Variants in GSE1 observed in about 807,000 individuals in gnomAD.
The protein encoded by GSE1 is Gse1 coiled-coil protein.
A neutral mutation model predicts 112.6 loss-of-function variants in GSE1; 32 were observed. That is an observed-to-expected ratio of 0.28 (90% confidence interval 0.21 to 0.38). GSE1 has a LOEUF of 0.38. Ranked by LOEUF, GSE1 falls within the 10% of genes least tolerant of loss-of-function variation. GSE1 has a pLI of 1.00. For synonymous variants in GSE1, 1,115 were observed against 735.6 expected, an observed-to-expected ratio of 1.52 and a Z score of -8.35; for missense variants, 2,348 against 1,699.2, an observed-to-expected ratio of 1.38 and a Z score of -6.71.
chr16:85,365,377 C>G (rs1042041720), intron 2 of GSE1, among the ~76,000 whole-genome samples: 4 of 152,248 alleles, frequency 2.6e-5, no homozygotes, highest in Admixed American at 2.6e-4. Flanking sequence ...TGCACTCCGC[C>G]TCCACCTTCA....
At chr16:85,584,379 C>T (rs945719176) in intron 1 of GSE1, among the ~76,000 whole-genome samples, 4 of 152,162 alleles carry the variant, frequency 2.6e-5, no homozygotes, top group Admixed American at 6.5e-5. Flanking sequence ...CACAGCCAAG[C>T]GGAGCACACC....
At chr16:85,201,238 A>G (rs1240078201) in intron 1 of GSE1, among the ~76,000 whole-genome samples, 3 of 151,314 alleles carry the variant, frequency 2.0e-5, no homozygotes, top group East Asian at 3.9e-4. Flanking sequence ...ACACCCAGCT[A>G]TTTTGTTTTT....
At chr16:85,642,400 A>G (rs2050516007) in intron 2 of GSE1, among the ~76,000 whole-genome samples, 1 of 152,198 alleles carries the variant, frequency 6.6e-6, no homozygotes. Flanking sequence ...TAGCAGACAC[A>G]CAGGGTCCCC....
intron 2 of GSE1, among the ~76,000 whole-genome samples, chr16:85,497,759 G>T (rs963250704): frequency 6.6e-6 from 1 of 152,152 alleles, no homozygotes; most frequent in African/African-American, 2.4e-5. Context: ...TTTCTTCAAG[G>T]TCTGGGACTG....
At chr16:85,315,529 G>C (rs1052331289) in intron 1 of GSE1, among the ~76,000 whole-genome samples, 1 of 152,110 alleles carries the variant, frequency 6.6e-6, no homozygotes, top group Non-Finnish European at 1.5e-5. Flanking sequence ...CCTACAGCAA[G>C]TGCTGGGCTC....
chr16:85,188,724 C>T (rs537747849), intron 1 of GSE1, among the ~76,000 whole-genome samples: 7 of 151,808 alleles, frequency 4.6e-5, no homozygotes, highest in Non-Finnish European at 7.4e-5. Context: ...TTACTTGAGC[C>T]GAGGAGTTCA....
chr16:85,611,320 C>A (rs1300020659), upstream of GSE1: 26 of 158,666 alleles, frequency 1.6e-4, no homozygotes, highest in Admixed American at 5.9e-4. Context: ...CTCCCCCTCC[C>A]CCTCCCCCTC....
intron 1 of GSE1, among the ~76,000 whole-genome samples, chr16:85,257,974 G>A (rs1212394455): frequency 6.6e-6 from 1 of 152,234 alleles, no homozygotes; most frequent in Non-Finnish European, 1.5e-5. Flanking sequence ...GTGATTGGGA[G>A]CTCAGGGCCT....
chr16:85,247,807 C>T (rs1038433493), intron 1 of GSE1, among the ~76,000 whole-genome samples: 1 of 152,198 alleles, frequency 6.6e-6, no homozygotes, highest in African/African-American at 2.4e-5. Context: ...TGCCAGGGGG[C>T]TGGTCTTTGA....
At chr16:85,343,933 C>T (rs918174373) in intron 1 of GSE1, among the ~76,000 whole-genome samples, 10 of 152,200 alleles carry the variant, frequency 6.6e-5, no homozygotes, top group African/African-American at 2.4e-4. Flanking sequence ...TGCTCTTCCT[C>T]AAATGCAACC....
At chr16:85,663,189 C>G (rs1466578222) in intron 10 of GSE1, 96 bp downstream of exon 10, 2 of 1,260,404 alleles carry the variant, frequency 1.6e-6, no homozygotes, top group East Asian at 2.3e-5. Flanking sequence ...TAGGTTCCTC[C>G]GAAGTCCTGG....
chr16:85,465,489 G>T (rs1241217808), intron 2 of GSE1, among the ~76,000 whole-genome samples: 1 of 152,258 alleles, frequency 6.6e-6, no homozygotes, highest in East Asian at 1.9e-4. Flanking sequence ...GGACTGCCCT[G>T]CTAGGGGTAA....
chr16:85,648,774 C>T, intron 3 of GSE1, 23 bp downstream of exon 3: 2 of 1,432,126 alleles, frequency 1.4e-6, no homozygotes, highest in Non-Finnish European at 1.9e-6. Flanking sequence ...GGGCAGGGAG[C>T]CTAGCGTCCT....
intron 2 of GSE1, among the ~76,000 whole-genome samples, chr16:85,521,864 A>G (rs1400368071): frequency 6.6e-6 from 1 of 151,882 alleles, no homozygotes; most frequent in Non-Finnish European, 1.5e-5. Flanking sequence ...TTCCCACACG[A>G]CTCTTGTAAG....
At chr16:85,269,644 C>T (rs1908627693) in intron 1 of GSE1, among the ~76,000 whole-genome samples, 1 of 149,286 alleles carries the variant, frequency 6.7e-6, no homozygotes, top group Admixed American at 6.7e-5. Context: ...CCCCTGGCCC[C>T]CGAAGCCCCT....
At chr16:85,646,201 C>T (rs1006883414) in intron 2 of GSE1, among the ~76,000 whole-genome samples, 1 of 150,686 alleles carries the variant, frequency 6.6e-6, no homozygotes, top group African/African-American at 2.4e-5. Context: ...ACCACGCTTC[C>T]TATGCATGCA....
chr16:85,331,387 ATATATGTG>A (rs1385811144), intron 1 of GSE1, among the ~76,000 whole-genome samples: 1 of 139,848 alleles, frequency 7.2e-6, no homozygotes, highest in East Asian at 2.1e-4. Context: ...ATATATGTAT[ATATATGTG>A]TATATATGTA....
chr16:85,426,480 GGGT>G (rs2048993316), intron 2 of GSE1, among the ~76,000 whole-genome samples: 1 of 141,642 alleles, frequency 7.1e-6, no homozygotes, highest in African/African-American at 2.7e-5. Context: ...GAGGGAGGGA[GGGT>G]AGATGTGTAT....
intron 2 of GSE1, among the ~76,000 whole-genome samples, chr16:85,507,350 C>G (rs1010345070): frequency 1.3e-5 from 2 of 152,280 alleles, no homozygotes; most frequent in East Asian, 1.9e-4. Flanking sequence ...AAGGCCAAAC[C>G]CCACTCGTCT....
Sources: gnomAD v4.1 joint callset for allele counts (sites outside exome capture counted in the v4.1 genomes callset) on GRCh38, gnomAD v4.1.1 for gene constraint, MANE v1.5 for transcripts, NCBI Gene and HGNC (gene_info 2026-07-23, HGNC 2026-07-21) for gene names.